Variants in RPH3A observed in about 807,000 individuals in gnomAD.
The protein encoded by RPH3A is rabphilin-3A.
Under a neutral mutation model 102.2 loss-of-function variants are expected in RPH3A, and 48 were observed. The ratio of observed to expected loss-of-function variants is 0.47; its 90% CI spans 0.37 to 0.60. RPH3A has a LOEUF of 0.60. Among genes scored for constraint, RPH3A ranks in the 20% least tolerant of loss-of-function variants. The pLI is 0.00. For synonymous variants in RPH3A, 310 were observed against 324.3 expected, an observed-to-expected ratio of 0.96 and a Z score of 0.47; for missense variants, 781 against 910.1, an observed-to-expected ratio of 0.86 and a Z score of 1.83.
chr12:112,817,547 C>CGTGTGTGT (rs145135682), intron 2 of RPH3A, among the ~76,000 whole-genome samples: 1 of 148,800 alleles, frequency 6.7e-6, no homozygotes, highest in African/African-American at 2.5e-5. Context: ...GAAATGCACA[C>CGTGTGTGT]GTGTGTGTGT....
At chr12:112,858,266 C>CAAAAAAAAAAAA (rs1164602599) in intron 5 of RPH3A, among the ~76,000 whole-genome samples, 5 of 44,776 alleles carry the variant, frequency 1.1e-4, no homozygotes, top group Non-Finnish European at 1.1e-4. Context: ...GACCCTGTCT[C>CAAAAAAAAAAAA]AAAAAAAAAA....
At chr12:112,749,508 T>C (rs1375457020) in intron 1 of RPH3A, among the ~76,000 whole-genome samples, 1 of 152,248 alleles carries the variant, frequency 6.6e-6, no homozygotes, top group Non-Finnish European at 1.5e-5. Flanking sequence ...GATTCAGCGT[T>C]TTCTCCTTTG....
At chr12:112,835,932 G>A (rs149179596) in intron 3 of RPH3A, among the ~76,000 whole-genome samples, 35 of 152,318 alleles carry the variant, frequency 2.3e-4, no homozygotes, top group Non-Finnish European at 4.4e-4. Context: ...CTTCTATCTA[G>A]CATTTAAGTC....
chr12:112,648,434 G>A (rs917098992), intron 1 of RPH3A, among the ~76,000 whole-genome samples: 1 of 151,182 alleles, frequency 6.6e-6, no homozygotes, highest in African/African-American at 2.4e-5. Context: ...CATTCTCAGA[G>A]ATAAAATTAC....
intron 1 of RPH3A, among the ~76,000 whole-genome samples, chr12:112,747,085 AT>A (rs1183327039): frequency 2.6e-5 from 4 of 152,162 alleles, no homozygotes; most frequent in Non-Finnish European, 4.4e-5. Context: ...AAGAGCAAGG[AT>A]TTTTGTCTTG....
chr12:112,788,098 AG>A (rs1166612555), upstream of RPH3A, among the ~76,000 whole-genome samples: 1 of 152,226 alleles, frequency 6.6e-6, no homozygotes, highest in Non-Finnish European at 1.5e-5. Flanking sequence ...CTTTGAACAA[AG>A]GGTTCTCCAG....
intron 2 of RPH3A, among the ~76,000 whole-genome samples, chr12:112,805,596 G>A (rs2041443261): frequency 6.6e-6 from 1 of 152,202 alleles, no homozygotes; most frequent in Non-Finnish European, 1.5e-5. Context: ...ACTTAAGCCT[G>A]AGTCCCATCA....
intron 1 of RPH3A, among the ~76,000 whole-genome samples, chr12:112,693,916 C>G (rs780995401): frequency 6.6e-6 from 1 of 152,226 alleles, no homozygotes; most frequent in Non-Finnish European, 1.5e-5. Context: ...GTGCCTTGCA[C>G]TGATGTTCAG....
At chr12:112,694,733 A>AT (rs1187486563) in intron 1 of RPH3A, among the ~76,000 whole-genome samples, 1 of 152,000 alleles carries the variant, frequency 6.6e-6, no homozygotes, top group Non-Finnish European at 1.5e-5. Flanking sequence ...CTCTTCTTCC[A>AT]TGAAGCTCTC....
intron 1 of RPH3A, among the ~76,000 whole-genome samples, chr12:112,756,131 G>A (rs996283489): frequency 3.3e-5 from 5 of 152,048 alleles, no homozygotes; most frequent in South Asian, 2.1e-4. Flanking sequence ...AATGATAAAT[G>A]TTTGAGGTGA....
chr12:112,774,578 T>A (rs566131174), intron 1 of RPH3A, among the ~76,000 whole-genome samples: 1 of 152,284 alleles, frequency 6.6e-6, no homozygotes, highest in East Asian at 1.9e-4. Context: ...TTGGTGAGAA[T>A]GAAAATCCTT....
intron 1 of RPH3A, among the ~76,000 whole-genome samples, chr12:112,659,467 A>T (rs2040034965): frequency 6.6e-6 from 1 of 152,166 alleles, no homozygotes; most frequent in Non-Finnish European, 1.5e-5. Flanking sequence ...CATCTTTAGC[A>T]AGAGTATTAC....
chr12:112,657,773 A>C (rs1388487682), intron 1 of RPH3A, among the ~76,000 whole-genome samples: 1 of 152,210 alleles, frequency 6.6e-6, no homozygotes, highest in Non-Finnish European at 1.5e-5. Flanking sequence ...GATTGCCATG[A>C]AAAAATGAAA....
intron 14 of RPH3A, among the ~76,000 whole-genome samples, chr12:112,879,438 G>C (rs2042867429): frequency 6.6e-6 from 1 of 152,204 alleles, no homozygotes; most frequent in Admixed American, 6.5e-5. Context: ...ACATGCAGCT[G>C]GGCTTCAAGA....
At chr12:112,824,089 G>A (rs2041827340) in intron 2 of RPH3A, among the ~76,000 whole-genome samples, 1 of 152,196 alleles carries the variant, frequency 6.6e-6, no homozygotes, top group South Asian at 2.1e-4. Flanking sequence ...GACTCAGGGA[G>A]TGCTCCAAGG....
intron 20 of RPH3A, 130 bp from the exon 21 acceptor site, chr12:112,895,647 C>A (rs1236013909): frequency 3.2e-6 from 2 of 619,646 alleles, no homozygotes; most frequent in Non-Finnish European, 5.9e-6. Flanking sequence ...CACGGGAAGA[C>A]CTCCTTGCTC....
intron 16 of RPH3A, among the ~76,000 whole-genome samples, chr12:112,883,631 G>A (rs1001164277): frequency 8.6e-5 from 13 of 151,798 alleles, no homozygotes; most frequent in Admixed American, 2.6e-4. Context: ...GTATCTGTTC[G>A]TTCAGGGGGT....
chr12:112,889,993 T>C (rs2043065563), intron 17 of RPH3A, 31 bp from the exon 18 acceptor site: 2 of 1,604,956 alleles, frequency 1.2e-6, no homozygotes, highest in Admixed American at 1.7e-5. Flanking sequence ...CCATAGACAA[T>C]GTTATCTTTT....
chr12:112,852,979 A>C (rs1043184706), intron 5 of RPH3A, among the ~76,000 whole-genome samples: 2 of 152,182 alleles, frequency 1.3e-5, no homozygotes, highest in East Asian at 3.8e-4. Context: ...GGCCCAAAAA[A>C]GTAATTAGGA....
Sources: gnomAD v4.1 joint callset for allele counts (sites outside exome capture counted in the v4.1 genomes callset) on GRCh38, gnomAD v4.1.1 for gene constraint, MANE v1.5 for transcripts, NCBI Gene and HGNC (gene_info 2026-07-23, HGNC 2026-07-21) for gene names.